The following SMIM36 variants were observed in gnomAD, a reference collection of about 807,000 sequenced individuals.
SMIM36 encodes small integral membrane protein 36.
chr17:55,516,866 C>T, the SMIM36 span, among the ~76,000 whole-genome samples: 1 of 151,992 alleles, frequency 6.6e-6, no homozygotes, highest in Non-Finnish European at 1.5e-5. Flanking sequence ...GGCCAGCCTT[C>T]CTATTCTTGA....
the SMIM36 span, chr17:55,527,749 T>C: frequency 1.3e-5 from 2 of 152,220 alleles, no homozygotes; most frequent in African/African-American, 2.4e-5. Flanking sequence ...GAATTTTCTC[T>C]TGTAGTCCAT....
At chr17:55,511,638 C>A, upstream of SMIM36, among the ~76,000 whole-genome samples, 1 of 152,112 alleles carries the variant, frequency 6.6e-6, no homozygotes, top group East Asian at 1.9e-4. Context: ...ATAAGTAGAG[C>A]ATTCACATAA....
At chr17:55,514,213 G>A (rs1420674085), upstream of SMIM36, among the ~76,000 whole-genome samples, 1 of 152,080 alleles carries the variant, frequency 6.6e-6, no homozygotes, top group Non-Finnish European at 1.5e-5. Context: ...GGCCAAAGCA[G>A]GGGCTGCTAA....
At chr17:55,485,786 T>C (rs1221139156) in intron 1 of SMIM36, among the ~76,000 whole-genome samples, 1 of 152,216 alleles carries the variant, frequency 6.6e-6, no homozygotes, top group African/African-American at 2.4e-5. Flanking sequence ...CTGTTATCAT[T>C]CCCATCTTAC....
chr17:55,496,111 A>G (rs142482584), intron 1 of SMIM36, among the ~76,000 whole-genome samples: 31 of 152,320 alleles, frequency 2.0e-4, no homozygotes, highest in Admixed American at 7.8e-4. Context: ...GTCTTTATCA[A>G]TTCTGACAAA....
intron 4 of SMIM36, among the ~76,000 whole-genome samples, chr17:55,462,905 C>T (rs544578591): frequency 4.6e-5 from 7 of 152,220 alleles, no homozygotes; most frequent in African/African-American, 1.7e-4. Flanking sequence ...AAGACTCCTC[C>T]CAACCCCCAG....
At chr17:55,459,820 G>T (rs4794592) in intron 4 of SMIM36, among the ~76,000 whole-genome samples, 79,740 of 151,850 alleles carry the variant, frequency 0.53, 23,254 homozygotes, top group Non-Finnish European at 0.67. Context: ...AGTATGGCAA[G>T]ACCCTGTCTC....
intron 4 of SMIM36, among the ~76,000 whole-genome samples, chr17:55,466,375 G>A (rs1041230610): frequency 2.6e-5 from 4 of 152,078 alleles, no homozygotes; most frequent in African/African-American, 9.6e-5. Flanking sequence ...CTGGAGTCTG[G>A]TTTGAATGAG....
At chr17:55,486,194 A>ACTT (rs1909606001) in intron 1 of SMIM36, among the ~76,000 whole-genome samples, 1 of 151,770 alleles carries the variant, frequency 6.6e-6, no homozygotes, top group Non-Finnish European at 1.5e-5. Flanking sequence ...GCCACCATAC[A>ACTT]CAGCTAATTT....
Position 55,501,321 on chromosome 17 carries a change from T to TC in SMIM36, c.*174+9557_*174+9558insG, listed in dbSNP as rs1446755581. 5.3e-3 allele frequency among the ~76,000 whole-genome samples: 370 copies of TC among 70,126 alleles called. 67 individuals carry two copies. The highest frequency in any genetic ancestry group is 0.032 in the African/African-American group (296 of 9,286). The allele number at this position is 70,126 out of a possible 152,430, so 46.0% of individuals were successfully genotyped here. ...ATATATATTATGTTATATATTATATTTTATAATATATAATATATTATATAT... is the reference window on the plus strand; with the variant it reads ...ATATATATTATGTTATATATTATATTCTTATAATATATAATATATTATATAT... On this transcript the variant is annotated intron_variant, in intron 1 of 4. Coordinates refer to ENST00000636752, the Ensembl canonical transcript of SMIM36.
At chr17:55,524,862 T>C in the SMIM36 span, among the ~76,000 whole-genome samples, 535 of 152,352 alleles carry the variant, frequency 3.5e-3, 2 homozygotes, top group African/African-American at 0.012. Flanking sequence ...TATCATTACA[T>C]TGTCATCATC....
intron 4 of SMIM36, among the ~76,000 whole-genome samples, chr17:55,465,615 G>T (rs1178518609): frequency 6.6e-6 from 1 of 152,108 alleles, no homozygotes; most frequent in Non-Finnish European, 1.5e-5. Flanking sequence ...TCAACACATG[G>T]CATAAATTTT....
At chr17:55,450,929 G>A (rs572064637) in intron 4 of SMIM36, among the ~76,000 whole-genome samples, 166 of 151,872 alleles carry the variant, frequency 1.1e-3, no homozygotes, top group Non-Finnish European at 1.9e-3. Context: ...CTCTGTCACC[G>A]AGGCTGAAGT....
the SMIM36 span, among the ~76,000 whole-genome samples, chr17:55,524,119 T>C: frequency 6.6e-6 from 1 of 152,144 alleles, no homozygotes. Flanking sequence ...TGTTCCCCTT[T>C]GCGTCTATAA....
intron 1 of SMIM36, among the ~76,000 whole-genome samples, chr17:55,505,745 G>C (rs937604078): frequency 9.6e-6 from 1 of 103,948 alleles, no homozygotes; most frequent in Non-Finnish European, 1.8e-5. Context: ...GCAGGAGAAG[G>C]AAATAAAGGG....
intron 3 of SMIM36, among the ~76,000 whole-genome samples, chr17:55,470,812 C>G (rs12942292): frequency 6.6e-6 from 1 of 151,760 alleles, no homozygotes; most frequent in African/African-American, 2.4e-5. Context: ...ATCACTCTTA[C>G]CCTGCTCAAC....
At chr17:55,500,516 T>C (rs1909889440) in intron 1 of SMIM36, among the ~76,000 whole-genome samples, 2 of 151,714 alleles carry the variant, frequency 1.3e-5, no homozygotes, top group Admixed American at 1.3e-4. Context: ...TGGTTCCTTC[T>C]TGAAGAACAA....
intron 3 of SMIM36, chr17:55,468,401 T>G (rs1178271077): frequency 6.5e-6 from 1 of 152,852 alleles, no homozygotes; most frequent in African/African-American, 2.4e-5. Context: ...TTTTTTCCTC[T>G]CTAGTAGAGA....
the SMIM36 span, among the ~76,000 whole-genome samples, chr17:55,520,137 C>A: frequency 6.6e-6 from 1 of 152,194 alleles, no homozygotes; most frequent in Non-Finnish European, 1.5e-5. Flanking sequence ...TCAAAGCCAG[C>A]ATCTTCAAAT....
Sources: allele counts gnomAD v4.1 joint callset (sites outside exome capture counted in the v4.1 genomes callset), GRCh38; gene constraint gnomAD v4.1.1; transcripts MANE v1.5; gene names NCBI Gene and HGNC (gene_info 2026-07-23, HGNC 2026-07-21).